GLIS1: variants seen among roughly 807,000 people sequenced by gnomAD.
The protein encoded by GLIS1 is GLIS family zinc finger 1, also known as zinc finger protein GLIS1.
In GLIS1, 24 loss-of-function variants were observed where a neutral mutation model predicts 63.8. The observed-to-expected ratio is 0.38, with a 90% confidence interval of 0.27 to 0.53. The LOEUF (loss-of-function observed/expected upper bound fraction) is 0.53, where lower values mean the gene tolerates loss of function less well. Among genes scored for constraint, GLIS1 ranks in the 20% least tolerant of loss-of-function variants. The pLI, the probability that GLIS1 is intolerant of heterozygous loss-of-function variation, is 0.85. For synonymous variants in GLIS1, 450 were observed against 482.5 expected (o/e 0.93, Z 0.88); for missense variants, 1,036 against 1,074.1 (o/e 0.96, Z 0.50).
chr1:53,557,703 A>G (rs145967558), intron 4 of GLIS1, among the ~76,000 whole-genome samples: 147 of 152,310 alleles, frequency 9.7e-4, no homozygotes, highest in African/African-American at 3.4e-3. Flanking sequence ...CTCCAATTAC[A>G]TTTCTGAATA....
chr1:53,538,763 C>T (rs917368179), intron 4 of GLIS1, among the ~76,000 whole-genome samples: 1 of 152,140 alleles, frequency 6.6e-6, no homozygotes, highest in African/African-American at 2.4e-5. Flanking sequence ...GACACCCTGA[C>T]CCTTCCTCAC....
chr1:53,613,720 T>A (rs886797606), intron 2 of GLIS1, among the ~76,000 whole-genome samples: 1 of 152,160 alleles, frequency 6.6e-6, no homozygotes, highest in Non-Finnish European at 1.5e-5. Flanking sequence ...AACAGCCCAC[T>A]TATTACAAAG....
At chr1:53,607,131 A>AAG (rs10646507) in intron 2 of GLIS1, among the ~76,000 whole-genome samples, 111,710 of 152,002 alleles carry the variant, frequency 0.73, 41,366 homozygotes, top group Middle Eastern at 0.85. Flanking sequence ...GTACCTAGGC[A>AAG]AATTAGAAAA....
chr1:53,715,320 G>A (rs1372111717), intron 2 of GLIS1, among the ~76,000 whole-genome samples: 1 of 152,156 alleles, frequency 6.6e-6, no homozygotes, highest in Admixed American at 6.5e-5. Context: ...ACCATGGGCA[G>A]GTGAGCTGGA....
intron 2 of GLIS1, among the ~76,000 whole-genome samples, chr1:53,693,784 G>A (rs1407815024): frequency 6.6e-6 from 1 of 152,208 alleles, no homozygotes; most frequent in Non-Finnish European, 1.5e-5. Context: ...GTGGCCTCCT[G>A]AGCCTCAGTG....
intron 5 of GLIS1, among the ~76,000 whole-genome samples, chr1:53,525,986 A>G (rs1236265813): frequency 6.6e-6 from 1 of 152,000 alleles, no homozygotes; most frequent in Non-Finnish European, 1.5e-5. Context: ...CTCTAATTGA[A>G]TCCCAATCTC....
chr1:53,731,940 G>C (rs1484877409), intron 2 of GLIS1, among the ~76,000 whole-genome samples: 1 of 152,204 alleles, frequency 6.6e-6, no homozygotes, highest in Non-Finnish European at 1.5e-5. Flanking sequence ...TCATCCAACT[G>C]AACTGCTCTC....
At chr1:53,524,674 G>A in intron 6 of GLIS1, 103 bp downstream of exon 6, 1 of 778,962 alleles carries the variant, frequency 1.3e-6, no homozygotes, top group Non-Finnish European at 2.2e-6. Context: ...GGCATACAGG[G>A]CGAGTGGGTG....
At chr1:53,618,978 C>T (rs1328389572) in intron 2 of GLIS1, among the ~76,000 whole-genome samples, 2 of 152,232 alleles carry the variant, frequency 1.3e-5, no homozygotes, top group Admixed American at 1.3e-4. Flanking sequence ...GTAAAACAAA[C>T]ACAGTAGACT....
chr1:53,645,716 T>C (rs915676931), intron 2 of GLIS1, among the ~76,000 whole-genome samples: 11 of 152,190 alleles, frequency 7.2e-5, no homozygotes, highest in African/African-American at 2.7e-4. Context: ...GTAATAAGTG[T>C]TTTCATCTCC....
At chr1:53,557,294 T>C (rs1282330133) in intron 4 of GLIS1, among the ~76,000 whole-genome samples, 8 of 152,090 alleles carry the variant, frequency 5.3e-5, no homozygotes, top group African/African-American at 1.7e-4. Context: ...ACAGCTCCAG[T>C]GGTAGGCATT....
chr1:53,576,697 A>G lies in GLIS1; in HGVS notation c.1320+17411T>C, dbSNP rs559447902. 7.2e-5 allele frequency among the ~76,000 whole-genome samples: 11 copies of G among 152,260 alleles called. No individual in the cohort carries two copies. In the East Asian group the frequency reaches 1.5e-3, roughly 21 times the overall value. ...TCCAGCTGCTAAGAAGGCAATGACCACAACGTGCACACACATATGCACACA... is the reference window on the plus strand; with the variant it reads ...TCCAGCTGCTAAGAAGGCAATGACCGCAACGTGCACACACATATGCACACA... On this transcript the variant is annotated intron_variant, in intron 4 of 10. Transcript: ENST00000628545.
intron 2 of GLIS1, among the ~76,000 whole-genome samples, chr1:53,604,930 G>A (rs992113263): frequency 0.032 from 358 of 11,194 alleles, 3 homozygotes; most frequent in Admixed American, 0.042. Flanking sequence ...GTGTGTGTGT[G>A]TGTATATATA....
intron 2 of GLIS1, among the ~76,000 whole-genome samples, chr1:53,631,923 G>C (rs1645656051): frequency 6.6e-6 from 1 of 151,906 alleles, no homozygotes; most frequent in Non-Finnish European, 1.5e-5. Flanking sequence ...CATAGAGCAA[G>C]AAAAAAAGGA....
intron 4 of GLIS1, among the ~76,000 whole-genome samples, chr1:53,548,837 G>C (rs1020325682): frequency 6.6e-6 from 1 of 152,178 alleles, no homozygotes; most frequent in African/African-American, 2.4e-5. Context: ...CAGTGATTTG[G>C]AGTATATTCA....
intron 2 of GLIS1, among the ~76,000 whole-genome samples, chr1:53,656,398 A>G (rs1300345489): frequency 6.6e-6 from 1 of 152,220 alleles, no homozygotes; most frequent in Non-Finnish European, 1.5e-5. Context: ...GGCTTTCTGA[A>G]ATGTCACCAA....
intron 4 of GLIS1, among the ~76,000 whole-genome samples, chr1:53,563,969 C>T (rs4927007): frequency 0.46 from 69,433 of 151,880 alleles, 18,712 homozygotes; most frequent in Admixed American, 0.63. Context: ...AAAATGAGGA[C>T]GAAAGAAAGA....
intron 4 of GLIS1, among the ~76,000 whole-genome samples, chr1:53,537,401 A>G (rs890907981): frequency 6.6e-6 from 1 of 152,210 alleles, no homozygotes; most frequent in Non-Finnish European, 1.5e-5. Context: ...GCTCCTGGGG[A>G]AGAACCAAGG....
chr1:53,594,240 G>A lies in GLIS1; in HGVS notation c.1188C>T (p.Ile396=), dbSNP rs917416018. 4 of 1,613,678 alleles carry A rather than the reference G, an allele frequency of 2.5e-6. No homozygotes were observed. The highest frequency in any genetic ancestry group is 1.6e-4 in the Middle Eastern group (1 of 6,084). ...ELVRHIEKSH[I]DQRKGEDFTC... ...TGAAGTCCTCGCCCTTGCGCTGGTCGATGTGGCTCTTCTCGATGTGCCGCA... is the reference window on the plus strand; with the variant it reads ...TGAAGTCCTCGCCCTTGCGCTGGTCAATGTGGCTCTTCTCGATGTGCCGCA... Residue 396 remains isoleucine, a synonymous_variant, in exon 4 of 11, where the codon ATC becomes ATT. Coordinates refer to ENST00000628545, the MANE Select transcript of GLIS1 (RefSeq NM_001367484.1).
Sources: gnomAD v4.1 joint callset for allele counts (sites outside exome capture counted in the v4.1 genomes callset) on GRCh38, gnomAD v4.1.1 for gene constraint, MANE v1.5 for transcripts, NCBI Gene and HGNC (gene_info 2026-07-23, HGNC 2026-07-21) for gene names.